IDE: variants seen among roughly 807,000 people sequenced by gnomAD.
IDE encodes insulin-degrading enzyme.
Under a neutral mutation model 133.2 loss-of-function variants are expected in IDE, and 58 were observed. The observed-to-expected ratio is 0.44, with a 90% CI of 0.35 to 0.54. IDE has a LOEUF of 0.54. IDE is among the 20% of genes least tolerant of loss of function. The pLI is 0.00. For missense variants in IDE, 981 were observed against 1,234.0 expected, an observed-to-expected ratio of 0.79 and a Z score of 3.07; for synonymous variants, 396 against 421.3, an observed-to-expected ratio of 0.94 and a Z score of 0.73.
At chr10:92,470,374 C>T (rs373391109) in intron 17 of IDE, 29 bp from the exon 18 acceptor site, 33 of 1,435,814 alleles carry the variant, frequency 2.3e-5, no homozygotes, top group African/African-American at 2.3e-4. Flanking sequence ...ACATAGTGAG[C>T]GCTACCTATG....
rs1317924169 is a variant in IDE at position 92,537,331 on chromosome 10, CA to C, written c.283+34del. ...AAATGTCAGCATTAGGTCAATGAAA[CA>C]AAACAAAGCTTAATTCACAATTTTC... On this transcript the variant is annotated intron_variant, in intron 2 of 24. Transcript: ENST00000265986. The C allele has an allele frequency of 6.5e-6, 10 of 1,537,882 alleles. No homozygotes were observed. In the African/African-American group the frequency reaches 1.4e-4, roughly 21 times the overall value.
chr10:92,553,173 C>T (rs539984440), intron 1 of IDE, among the ~76,000 whole-genome samples: 2 of 152,174 alleles, frequency 1.3e-5, no homozygotes, highest in African/African-American at 4.8e-5. Flanking sequence ...CCTGTAATCC[C>T]AGCACTTTGG....
At chr10:92,544,166 G>C (rs1215142847) in intron 1 of IDE, among the ~76,000 whole-genome samples, 3 of 151,590 alleles carry the variant, frequency 2.0e-5, no homozygotes, top group Non-Finnish European at 2.9e-5. Flanking sequence ...CCAGGAAGCG[G>C]AGGTTGCAGT....
chr10:92,504,933 C>A (rs1848216283), intron 10 of IDE, 36 bp from the exon 11 acceptor site: 2 of 923,850 alleles, frequency 2.2e-6, no homozygotes, highest in East Asian at 5.5e-5. Flanking sequence ...ATAAAATATA[C>A]AAAGCTACTA....
chr10:92,461,218 G>T lies in IDE; in HGVS notation c.2796C>A (p.Thr932=). The T allele has an allele frequency of 2.1e-6, 3 of 1,453,284 alleles. No homozygotes were observed. The highest frequency in any genetic ancestry group is 2.9e-6 in the Non-Finnish European group (3 of 1,035,068). The allele number at this position is 1,453,284 out of a possible 1,614,324, so 90.0% of individuals were successfully genotyped here. ...NTEVAYLKTL[T]KEDIIKFYKE... ...TGTAGAATTTGATGATATCTTCCTT[G>T]GTAAGTGTCTTTAAATATGCAACCT... is the stretch of plus-strand genomic sequence containing the variant. Residue 932 remains threonine (T), a synonymous_variant, in exon 22 of 25, where the codon ACC becomes ACA. Transcript: ENST00000265986.
chr10:92,537,428 T>C lies in IDE; in HGVS notation c.221A>G (p.Lys74Arg), dbSNP rs1842070329. Reference sequence around the variant, plus strand: ...GGTGGGATCACTGATAAGAAGTACTTTGATACCATTGGCCAGCTCTAGCCC... The same window carrying C: ...GGTGGGATCACTGATAAGAAGTACTCTGATACCATTGGCCAGCTCTAGCCC... ...YRGLELANGI[K>R]VLLISDPTTD... Residue 74 changes from lysine to arginine, a missense_variant, in exon 2 of 25, where the codon AAA becomes AGA. Lys to Arg is a conservative substitution (Grantham distance 26, BLOSUM62 2). Transcript: ENST00000265986. 2.5e-6 allele frequency: 4 copies of C among 1,614,052 alleles called. No individual in the cohort carries two copies. Among genetic ancestry groups the C allele is most frequent in the Non-Finnish European group, 1.7e-6 (2 of 1,179,954 alleles).
chr10:92,541,177 C>A, intron 1 of IDE: 1 of 276,468 alleles, frequency 3.6e-6, no homozygotes, highest in Non-Finnish European at 7.6e-6. Flanking sequence ...GAAGTAAAAC[C>A]CAAAAGAAAT....
chr10:92,492,748 T>C (rs994754716), intron 11 of IDE, among the ~76,000 whole-genome samples: 2 of 152,222 alleles, frequency 1.3e-5, no homozygotes, highest in African/African-American at 4.8e-5. Flanking sequence ...CCTCTGATGA[T>C]ACTCATTCAT....
intron 11 of IDE, among the ~76,000 whole-genome samples, chr10:92,498,053 C>G (rs1199312851): frequency 6.6e-6 from 1 of 152,184 alleles, no homozygotes; most frequent in African/African-American, 2.4e-5. Context: ...TTGTACAACA[C>G]TTTTTGACTT....
intron 1 of IDE, among the ~76,000 whole-genome samples, chr10:92,573,538 G>T (rs1461807145): frequency 6.6e-6 from 1 of 152,222 alleles, no homozygotes; most frequent in Non-Finnish European, 1.5e-5. Context: ...GCTCGAGTCC[G>T]CCTCAGGTTC....
At chr10:92,463,465 A>ATGTGAAATTGAATTATTAATACTTTAT in intron 21 of IDE, among the ~76,000 whole-genome samples, 1 of 152,204 alleles carries the variant, frequency 6.6e-6, no homozygotes, top group Non-Finnish European at 1.5e-5. Context: ...TGAAACAAAA[A>ATGTGAAATTGAATTATTAATACTTTAT]TGTGAAATTG....
At chr10:92,565,688 A>G (rs527665600) in intron 1 of IDE, among the ~76,000 whole-genome samples, 35 of 152,272 alleles carry the variant, frequency 2.3e-4, no homozygotes, top group African/African-American at 8.4e-4. Flanking sequence ...GATTTAGGAA[A>G]TCAGCTCAGG....
chr10:92,547,796 A>C (rs552549208), intron 1 of IDE, among the ~76,000 whole-genome samples: 1 of 152,280 alleles, frequency 6.6e-6, no homozygotes, highest in Admixed American at 6.5e-5. Flanking sequence ...GCACTGATCT[A>C]CTGACCACTT....
intron 1 of IDE, among the ~76,000 whole-genome samples, chr10:92,538,778 C>CCAAA (rs34593706): frequency 4.8e-5 from 2 of 41,604 alleles, no homozygotes. Flanking sequence ...GCTTAATAGA[C>CCAAA]AAAAAAAAAA....
At chr10:92,466,934 A>G (rs1452527897) in intron 19 of IDE, among the ~76,000 whole-genome samples, 2 of 151,538 alleles carry the variant, frequency 1.3e-5, no homozygotes, top group Non-Finnish European at 2.9e-5. Flanking sequence ...CCCTTTTCAT[A>G]TATATTCTAA....
rs569744008 is a variant in IDE, at chr10:92,453,637, C to T, written c.*807G>A. ...GGATCTGAAGTTGACCCTATTTGTA[C>T]GTGTTAAATAAATATGTTGTGTTAA... On this transcript the variant is annotated 3_prime_UTR_variant, in exon 25 of 25. Coordinates refer to ENST00000265986, the MANE Select transcript of IDE (RefSeq NM_004969.4). The T allele has an allele frequency of 3.9e-5, 6 of 152,158 alleles. No homozygotes were observed. The South Asian group carries it at 6.2e-4, about 16-fold the overall frequency. 9.4% of individuals were successfully genotyped at this position (152,158 alleles called of 1,614,324 possible). A position where few individuals can be genotyped will look rare whatever the true frequency, so the allele number is the denominator to read the frequency against.
In IDE at chr10:92,529,549, T is replaced by A. The variant is rs188278043; in HGVS notation, c.661+2199A>T. On this transcript the variant is annotated intron_variant, in intron 4 of 24. Coordinates refer to ENST00000265986, the MANE Select transcript of IDE (RefSeq NM_004969.4). ...GCCATGCAATGTATCTCTTTGCCCA[T>A]CATTCCTGAAACCCTTCTATAGAAT... Among the ~76,000 whole-genome samples, 4 of 152,318 alleles carry A rather than the reference T, an allele frequency of 2.6e-5. No individual in the cohort carries two copies. The Middle Eastern group carries it at 0.01, about 389-fold the overall frequency.
chr10:92,537,342 T>C, intron 2 of IDE, 24 bp downstream of exon 2: 1 of 1,566,238 alleles, frequency 6.4e-7, no homozygotes. Flanking sequence ...AAAACAAAGC[T>C]TAATTCACAA....
intron 1 of IDE, chr10:92,555,020 C>T (rs1335595468): frequency 2.0e-5 from 3 of 152,144 alleles, no homozygotes; most frequent in South Asian, 2.1e-4. Flanking sequence ...CAAGGAATAC[C>T]TCCATTGTGT....
Sources: gnomAD v4.1 joint callset for allele counts (sites outside exome capture counted in the v4.1 genomes callset) on GRCh38, gnomAD v4.1.1 for gene constraint, MANE v1.5 for transcripts, NCBI Gene and HGNC (gene_info 2026-07-23, HGNC 2026-07-21) for gene names.